The following ARHGAP24 variants were observed in gnomAD, a reference collection of about 807,000 sequenced individuals.
The protein encoded by ARHGAP24 is Rho GTPase activating protein 24, also known as rho GTPase-activating protein 24.
ARHGAP24 carries 50 observed loss-of-function variants against 76.4 expected under a neutral mutation model. That is an observed-to-expected ratio of 0.65 (90% CI 0.52 to 0.83). The LOEUF is 0.83. ARHGAP24 is among the 40% of genes least tolerant of loss of function. ARHGAP24 has a pLI of 0.00. For synonymous variants in ARHGAP24, 345 were observed against 323.3 expected (o/e 1.07, Z -0.72); for missense variants, 930 against 914.2 (o/e 1.02, Z -0.22).
chr4:85,665,430 C>G (rs1343042977), intron 2 of ARHGAP24, among the ~76,000 whole-genome samples: 1 of 152,124 alleles, frequency 6.6e-6, no homozygotes, highest in Non-Finnish European at 1.5e-5. Flanking sequence ...GATGGGTATC[C>G]TGAATACAGC....
In ARHGAP24 at chr4:85,995,130, C is replaced by T. The variant is rs745311850; in HGVS notation, c.1476C>T (p.Leu492=). 1.3e-5 allele frequency: 21 copies of T among 1,613,884 alleles called. No individual in the cohort carries two copies. Among genetic ancestry groups the T allele is most frequent in the African/African-American group, 4.0e-5 (3 of 74,882 alleles). Residue 492 remains leucine (L), a synonymous_variant, in exon 9 of 10, where the codon CTC becomes CTT. Transcript: ENST00000395184. ...VRMGILNSDT[L]GNPTNVRNMS... ...TGGGCATTTTGAACAGCGACACACTCGGGAACCCCACAAATGTTCGAAACA... is the reference window on the plus strand; with the variant it reads ...TGGGCATTTTGAACAGCGACACACTTGGGAACCCCACAAATGTTCGAAACA...
chr4:85,811,808 C>A (rs1276228483), intron 3 of ARHGAP24, among the ~76,000 whole-genome samples: 1 of 152,202 alleles, frequency 6.6e-6, no homozygotes, highest in Non-Finnish European at 1.5e-5. Flanking sequence ...AGTCATATTG[C>A]TCTTCTGTGC....
intron 3 of ARHGAP24, among the ~76,000 whole-genome samples, chr4:85,733,120 G>GT (rs1725479948): frequency 7.9e-6 from 1 of 126,302 alleles, no homozygotes; most frequent in African/African-American, 3.0e-5. Context: ...CTGGAATGCA[G>GT]TGGCACGATC....
chr4:85,586,957 C>T (rs904336965), intron 2 of ARHGAP24, among the ~76,000 whole-genome samples: 30 of 151,840 alleles, frequency 2.0e-4, no homozygotes, highest in South Asian at 2.1e-4. Context: ...CACATAATAC[C>T]TTAAAATTGC....
At chr4:85,497,828 A>C (rs1486382614) in intron 1 of ARHGAP24, among the ~76,000 whole-genome samples, 1 of 152,148 alleles carries the variant, frequency 6.6e-6, no homozygotes, top group Non-Finnish European at 1.5e-5. Flanking sequence ...CTGGAAAAAA[A>C]CAAAAGAAAG....
intron 2 of ARHGAP24, among the ~76,000 whole-genome samples, chr4:85,617,070 TG>T (rs1391584646): frequency 6.8e-6 from 1 of 147,976 alleles, no homozygotes; most frequent in Non-Finnish European, 1.5e-5. Context: ...ATAATATATA[TG>T]TTATAAATAT....
At chr4:85,750,398 C>A (rs1252926441) in intron 3 of ARHGAP24, among the ~76,000 whole-genome samples, 1 of 151,312 alleles carries the variant, frequency 6.6e-6, no homozygotes, top group Non-Finnish European at 1.5e-5. Flanking sequence ...TGTTATCTTG[C>A]CCCATGACAG....
intron 3 of ARHGAP24, among the ~76,000 whole-genome samples, chr4:85,880,342 A>G (rs1411399613): frequency 1.3e-5 from 2 of 152,152 alleles, no homozygotes; most frequent in Non-Finnish European, 2.9e-5. Flanking sequence ...GACCTTCTAT[A>G]TTCCTGAGTC....
In ARHGAP24 at chr4:85,570,737, T is replaced by C. The variant is rs1727108127; in HGVS notation, c.180+16T>C. The C allele has an allele frequency of 1.2e-6, 2 of 1,613,544 alleles. No individual in the cohort carries two copies. Among genetic ancestry groups the C allele is most frequent in the African/African-American group, 2.7e-5 (2 of 74,854 alleles). The stretch of plus-strand genomic sequence containing the variant: ...CAAGCCCTTGGTGAGTAGGAGAAAA[T>C]GTAAAGCATTAAGGGCCTAAGAAAG... On this transcript the variant is annotated intron_variant, in intron 2 of 9. Coordinates refer to ENST00000395184, the MANE Select transcript of ARHGAP24 (RefSeq NM_001025616.3).
chr4:85,605,179 A>T (rs1328596275), intron 2 of ARHGAP24, among the ~76,000 whole-genome samples: 1 of 152,178 alleles, frequency 6.6e-6, no homozygotes, highest in Non-Finnish European at 1.5e-5. Context: ...GTTTTCTGTA[A>T]TGAACACATT....
At chr4:85,646,887 G>T (rs1024213757) in intron 2 of ARHGAP24, among the ~76,000 whole-genome samples, 1 of 152,094 alleles carries the variant, frequency 6.6e-6, no homozygotes, top group African/African-American at 2.4e-5. Flanking sequence ...TATTAGTAAA[G>T]CCTTGTATTC....
At chr4:85,739,828 G>A (rs1234237028) in intron 3 of ARHGAP24, among the ~76,000 whole-genome samples, 1 of 3,440 alleles carries the variant, frequency 2.9e-4, no homozygotes, top group African/African-American at 3.0e-4. Flanking sequence ...GGGTTTCACC[G>A]TGTTAGCCAG....
intron 1 of ARHGAP24, among the ~76,000 whole-genome samples, chr4:85,486,237 A>G (rs531161381): frequency 6.6e-6 from 1 of 152,148 alleles, no homozygotes; most frequent in Non-Finnish European, 1.5e-5. Context: ...TTGGGGGGAT[A>G]TGTGATACCC....
rs1280393763 is a variant in ARHGAP24, at chr4:86,000,812, T to G, written c.*90T>G. 6.3e-7 allele frequency: 1 copy of G among 1,577,064 alleles called. No individual in the cohort carries two copies. The highest frequency in any genetic ancestry group is 1.4e-5 in the African/African-American group (1 of 74,056). Reference sequence around the variant, plus strand: ...ACTTAGAACCAGGTGGCTGGTCACCTGGATGTACAGAAGTCTAACTGGTGA... The same window carrying G: ...ACTTAGAACCAGGTGGCTGGTCACCGGGATGTACAGAAGTCTAACTGGTGA... On this transcript the variant is annotated 3_prime_UTR_variant, in exon 10 of 10. Transcript: ENST00000395184.
At chr4:85,483,467 C>A (rs1722895217) in intron 1 of ARHGAP24, among the ~76,000 whole-genome samples, 1 of 152,030 alleles carries the variant, frequency 6.6e-6, no homozygotes, top group Non-Finnish European at 1.5e-5. Flanking sequence ...CAAAAATTAT[C>A]TGGGCGTGGT....
intron 3 of ARHGAP24, among the ~76,000 whole-genome samples, chr4:85,891,708 G>A (rs1392891010): frequency 4.9e-4 from 4 of 8,122 alleles, no homozygotes; most frequent in Non-Finnish European, 8.3e-4. Context: ...CAGGGATGAA[G>A]CCCACTTGAT....
rs77186452 is a variant in ARHGAP24, at chr4:85,923,995, T to C, written c.391+225T>C. Among the ~76,000 whole-genome samples, 1,968 of 152,254 alleles carry C rather than the reference T, an allele frequency of 0.013. 34 individuals carry two copies. Among genetic ancestry groups the C allele is most frequent in the East Asian group, 0.092 (479 of 5,192 alleles). ...AACCTTCTTCTGTGAATATGTTGAA[T>C]GATAAAAATGGGTGGGTTTTTTTTT... On this transcript the variant is annotated intron_variant, in intron 4 of 9. Coordinates refer to ENST00000395184, the MANE Select transcript of ARHGAP24 (RefSeq NM_001025616.3).
chr4:85,856,573 C>T (rs996135913), intron 3 of ARHGAP24, among the ~76,000 whole-genome samples: 6 of 148,102 alleles, frequency 4.1e-5, no homozygotes, highest in African/African-American at 2.5e-5. Context: ...CAGGTTCAAG[C>T]GATTCTCCTG....
chr4:85,872,772 A>AT (rs199857883), intron 3 of ARHGAP24, among the ~76,000 whole-genome samples: 3,598 of 143,148 alleles, frequency 0.025, 98 homozygotes, highest in African/African-American at 0.068. Context: ...TAACTTTTGT[A>AT]TTTTTTTTTG....
Sources: gnomAD v4.1 joint callset for allele counts (sites outside exome capture counted in the v4.1 genomes callset) on GRCh38, gnomAD v4.1.1 for gene constraint, MANE v1.5 for transcripts, NCBI Gene and HGNC (gene_info 2026-07-23, HGNC 2026-07-21) for gene names.